VIPR2: variants seen among roughly 807,000 people sequenced by gnomAD.
VIPR2 encodes the protein vasoactive intestinal polypeptide receptor 2.
In VIPR2, 48 loss-of-function variants were observed where a neutral mutation model predicts 58.0. The observed-to-expected ratio is 0.83, with a 90% CI of 0.66 to 1.05. The LOEUF (loss-of-function observed/expected upper bound fraction) is 1.05, where lower values mean the gene tolerates loss of function less well. VIPR2 is among the 50% of genes least tolerant of loss of function. The probability of loss-of-function intolerance (pLI) is 0.00; values close to 1 mark genes in which losing one functional copy is unlikely to be tolerated. For missense variants in VIPR2, 534 were observed against 558.0 expected (o/e 0.96, Z 0.43); for synonymous variants, 243 against 235.2 (o/e 1.03, Z -0.30).
rs1385818046 is a variant in VIPR2, at chr7:159,036,777, G to A, written c.723C>T (p.Phe241=). Reference sequence around the variant, plus strand: ...CCCATCCGATCAGGAGGTAGGCCAGGAAGCACCTTCTAGGGGGGAGCATGG... The same window carrying A: ...CCCATCCGATCAGGAGGTAGGCCAGAAAGCACCTTCTAGGGGGGAGCATGG... ...LVAMLPPRRC[F]LAYLLIGWGL... is the part of the protein sequence containing the mutation. The change falls in exon 7 of 13, where the codon TTC becomes TTT. Residue 241 remains phenylalanine (F), a synonymous_variant. Transcript: ENST00000262178. The A allele has an allele frequency of 6.2e-7, 1 of 1,613,782 alleles. No individual in the cohort carries two copies. Among genetic ancestry groups the A allele is most frequent in the East Asian group, 2.2e-5 (1 of 44,868 alleles).
In VIPR2 at chr7:159,098,192, A is replaced by AAGGGCAGGGC. The variant is rs921726451; in HGVS notation, c.357+5555_357+5564dup. On this transcript the variant is annotated intron_variant, in intron 4 of 12. Transcript: ENST00000262178. This position sits in a 1 kb window ranked among gnomAD's most constrained non-coding sequence, Gnocchi z 5.2. ...AGCACAGAAGAGTTGTGATGGGATGAAGGGCAGGGCAGGGCAGGGCCGGGT... is the reference window on the plus strand; with the variant it reads ...AGCACAGAAGAGTTGTGATGGGATGAAGGGCAGGGCAGGGCAGGGCAGGGCAGGGCCGGGT... Among the ~76,000 whole-genome samples the AAGGGCAGGGC allele has an allele frequency of 6.6e-6, 1 of 152,194 alleles. No individual in the cohort carries two copies. Among genetic ancestry groups the AAGGGCAGGGC allele is most frequent in the Admixed American group, 6.5e-5 (1 of 15,290 alleles).
At chr7:159,079,410 C>T (rs886128482) in intron 4 of VIPR2, among the ~76,000 whole-genome samples, 2 of 152,104 alleles carry the variant, frequency 1.3e-5, no homozygotes, top group African/African-American at 2.4e-5. Flanking sequence ...TAAAGATGTT[C>T]TTTGAAACCA....
chr7:159,094,519 C>T (rs1387642978), intron 4 of VIPR2, among the ~76,000 whole-genome samples: 2 of 152,208 alleles, frequency 1.3e-5, no homozygotes, highest in African/African-American at 4.8e-5. Context: ...CTTGGGTGGC[C>T]TCCTGTTCCT....
chr7:159,063,142 C>T (rs1030430150), intron 4 of VIPR2, among the ~76,000 whole-genome samples: 6 of 152,182 alleles, frequency 3.9e-5, no homozygotes, highest in African/African-American at 4.8e-5. Flanking sequence ...GCTGCGTGCC[C>T]GCAGCCCTTG....
At chr7:159,088,415 G>A (rs6951368) in intron 4 of VIPR2, among the ~76,000 whole-genome samples, 2,957 of 150,990 alleles carry the variant, frequency 0.02, 104 homozygotes, top group African/African-American at 0.066. Flanking sequence ...CTGTTCATCC[G>A]CACACATGCT....
intron 2 of VIPR2, among the ~76,000 whole-genome samples, chr7:159,110,567 T>C (rs1380350846): frequency 1.6e-5 from 2 of 127,034 alleles, no homozygotes; most frequent in East Asian, 4.6e-4. Context: ...ACAACAGTGA[T>C]GGAATGCATG....
chr7:159,056,739 C>T (rs1325148876), intron 5 of VIPR2, among the ~76,000 whole-genome samples: 1 of 152,196 alleles, frequency 6.6e-6, no homozygotes, highest in Non-Finnish European at 1.5e-5. Context: ...ATTCTGCTTC[C>T]TGGGTATAAT....
In VIPR2 at chr7:159,128,767, C is replaced by A. The variant is rs1194524735; in HGVS notation, c.151+13679G>T. On this transcript the variant is annotated intron_variant, in intron 2 of 12. Coordinates refer to ENST00000262178, the MANE Select transcript of VIPR2 (RefSeq NM_003382.5). The surrounding 1 kb of genome is among the most constrained non-coding windows in gnomAD (Gnocchi z 4.1). ...ATGGACCTTCCTGAAACACAGCTCA[C>A]ATGCGAACCCCACTTCTCAGGAGCC... Among the ~76,000 whole-genome samples the A allele has an allele frequency of 6.6e-6, 1 of 152,224 alleles. No homozygotes were observed. Among genetic ancestry groups the A allele is most frequent in the Admixed American group, 6.5e-5 (1 of 15,284 alleles).
At chr7:159,046,470 G>A (rs987966445) in intron 5 of VIPR2, among the ~76,000 whole-genome samples, 1 of 152,198 alleles carries the variant, frequency 6.6e-6, no homozygotes, top group Admixed American at 6.5e-5. Context: ...CATATTGTAT[G>A]ACGCATCCAG....
intron 4 of VIPR2, among the ~76,000 whole-genome samples, chr7:159,086,969 C>T (rs1051372332): frequency 2.0e-5 from 3 of 152,194 alleles, no homozygotes; most frequent in Non-Finnish European, 4.4e-5. Context: ...CATGTCCTCA[C>T]GTGAAGAAAA....
intron 4 of VIPR2, among the ~76,000 whole-genome samples, chr7:159,061,938 G>A (rs1855693059): frequency 6.6e-6 from 1 of 152,150 alleles, no homozygotes; most frequent in Non-Finnish European, 1.5e-5. Context: ...GGGGAGCGGC[G>A]GCCGCGTCTG....
chr7:159,141,972 G>A (rs527459000), intron 2 of VIPR2, among the ~76,000 whole-genome samples: 8 of 152,300 alleles, frequency 5.3e-5, no homozygotes, highest in African/African-American at 1.7e-4. Context: ...CGATCTGCAC[G>A]TTCACAGTGT....
rs908810067 is a variant in VIPR2, at chr7:159,093,788, C to T, written c.357+9969G>A. Among the ~76,000 whole-genome samples, 22 of 150,884 alleles carry T rather than the reference C, an allele frequency of 1.5e-4. No individual in the cohort carries two copies. The highest frequency in any genetic ancestry group is 4.7e-4 in the African/African-American group (19 of 40,810). On this transcript the variant is annotated intron_variant, in intron 4 of 12. Coordinates refer to ENST00000262178, the MANE Select transcript of VIPR2 (RefSeq NM_003382.5). This position sits in a 1 kb window ranked among gnomAD's most constrained non-coding sequence, Gnocchi z 6.7. ...GGAGACCCCGCAGCGTCCCTGGGTC[C>T]GGACAGGGGAGAGGCCCTGCAGCGT...
At chr7:159,050,909 A>G (rs1385720436) in intron 5 of VIPR2, among the ~76,000 whole-genome samples, 1 of 152,244 alleles carries the variant, frequency 6.6e-6, no homozygotes, top group Non-Finnish European at 1.5e-5. Flanking sequence ...CAAAGGAACA[A>G]TGGTGCACTG....
At chr7:159,074,735 C>A (rs1181230264) in intron 4 of VIPR2, among the ~76,000 whole-genome samples, 1 of 152,142 alleles carries the variant, frequency 6.6e-6, no homozygotes, top group African/African-American at 2.4e-5. Flanking sequence ...TGCCTGTAAT[C>A]CCAACACTTT....
At chr7:159,079,013 G>T (rs12672777) in intron 4 of VIPR2, among the ~76,000 whole-genome samples, 13,187 of 152,156 alleles carry the variant, frequency 0.087, 636 homozygotes, top group Middle Eastern at 0.14. Context: ...GGCCCACTGA[G>T]ATCCCACTTT....
chr7:159,106,970 G>GAGAGAGGCCATCCAGGGGC (rs1795770520), intron 3 of VIPR2, among the ~76,000 whole-genome samples: 1 of 151,356 alleles, frequency 6.6e-6, no homozygotes, highest in South Asian at 2.1e-4. Context: ...GGGAGGTGCA[G>GAGAGAGGCCATCCAGGGGC]AGAGAGGCCA....
chr7:159,092,757 C>T (rs1857578430), intron 4 of VIPR2, among the ~76,000 whole-genome samples: 1 of 149,698 alleles, frequency 6.7e-6, no homozygotes, highest in Non-Finnish European at 1.5e-5. Flanking sequence ...TTCGGCTGTT[C>T]TCAGAGATTT....
chr7:159,055,429 A>G (rs1855260140), intron 5 of VIPR2, among the ~76,000 whole-genome samples: 1 of 151,956 alleles, frequency 6.6e-6, no homozygotes, highest in Non-Finnish European at 1.5e-5. Flanking sequence ...GCAAACGTTT[A>G]GCATATGTAA....
Sources: allele counts gnomAD v4.1 joint callset (sites outside exome capture counted in the v4.1 genomes callset), GRCh38; gene constraint gnomAD v4.1.1; non-coding constraint Gnocchi (gnomAD v3.1); transcripts MANE v1.5; gene names NCBI Gene and HGNC (gene_info 2026-07-23, HGNC 2026-07-21).